Variants in DNAH7 observed in about 807,000 individuals in gnomAD.
DNAH7 encodes the protein axonemal beta dynein heavy chain 7.
DNAH7 carries 397 observed loss-of-function variants against 444.6 expected under a neutral mutation model. The ratio of observed to expected loss-of-function variants is 0.89; its 90% CI spans 0.82 to 0.97. DNAH7 has a LOEUF of 0.97. Ranked by LOEUF, DNAH7 falls within the 50% of genes least tolerant of loss-of-function variation. DNAH7 has a pLI of 0.00. For synonymous variants in DNAH7, 1,636 were observed against 1,624.4 expected, an observed-to-expected ratio of 1.01 and a Z score of -0.17; for missense variants, 4,902 against 4,800.8, an observed-to-expected ratio of 1.02 and a Z score of -0.62.
At position 196,012,893 on chromosome 2, in the gene DNAH7, CTA is replaced by C; in HGVS notation, c.881_882del (p.Leu294CysfsTer2). 1 of 1,500,168 alleles carries C rather than the reference CTA, an allele frequency of 6.7e-7. No individual in the cohort carries two copies. Among genetic ancestry groups the C allele is most frequent in the Non-Finnish European group, 8.9e-7 (1 of 1,125,216 alleles). 92.9% of individuals were successfully genotyped at this position (1,500,168 alleles called of 1,614,324 possible). Reference protein sequence around the residue: ...LWHTNFKKLRLVDIKEFHNCQ... With the variant: ...LWHTNFKKLRXVDIKEFHNCQ... ...CAATTATGAAATTCTTTGATATCAA[CTA>C]AACGTAATTTTCTGCAAAAGATAAA... is the stretch of plus-strand genomic sequence containing the variant. On this transcript the variant is annotated frameshift_variant, in exon 10 of 65. Transcript: ENST00000312428. LOFTEE classifies it high-confidence loss of function.
chr2:195,926,199 A>G (rs1393873912), intron 22 of DNAH7, among the ~76,000 whole-genome samples: 1 of 152,148 alleles, frequency 6.6e-6, no homozygotes, highest in African/African-American at 2.4e-5. Context: ...ACTTTTATAT[A>G]CCGTGAATAA....
intron 9 of DNAH7, among the ~76,000 whole-genome samples, chr2:196,018,671 C>CAG (rs1396660480): frequency 1.3e-5 from 2 of 152,120 alleles, no homozygotes; most frequent in Non-Finnish European, 2.9e-5. Context: ...AAGAATGCAT[C>CAG]AGAGTCCATT....
intron 13 of DNAH7, among the ~76,000 whole-genome samples, chr2:195,987,413 A>G (rs545634016): frequency 6.6e-6 from 1 of 152,208 alleles, no homozygotes; most frequent in South Asian, 2.1e-4. Flanking sequence ...TTGGAAGCCA[A>G]TTCAATCTCA....
intron 19 of DNAH7, among the ~76,000 whole-genome samples, chr2:195,938,869 T>G (rs1055891736): frequency 5.3e-5 from 8 of 152,134 alleles, no homozygotes; most frequent in Middle Eastern, 3.2e-3. Flanking sequence ...AGTAATCATC[T>G]TATGACTGGC....
intron 1 of DNAH7, 96 bp downstream of exon 1, chr2:196,068,601 T>G (rs1449155841): frequency 6.6e-7 from 1 of 1,509,110 alleles, no homozygotes; most frequent in Non-Finnish European, 9.0e-7. Context: ...GAGTCACAGC[T>G]GGGGAGTTCG....
At chr2:195,768,599 C>G (rs1178923102) in intron 61 of DNAH7, among the ~76,000 whole-genome samples, 1 of 151,982 alleles carries the variant, frequency 6.6e-6, no homozygotes, top group African/African-American at 2.4e-5. Flanking sequence ...ACTGGTATTA[C>G]CAAGTTGTAC....
At chr2:195,900,716 A>G in intron 27 of DNAH7, 2 of 471,684 alleles carry the variant, frequency 4.2e-6, no homozygotes, top group South Asian at 5.1e-5. Context: ...TAAAAGAAAT[A>G]AATTCTAGTG....
chr2:195,960,087 C>T (rs1223345690), intron 18 of DNAH7, among the ~76,000 whole-genome samples, 173 bp downstream of exon 18: 2 of 151,968 alleles, frequency 1.3e-5, no homozygotes, highest in African/African-American at 4.8e-5. Context: ...TATTTAAAGA[C>T]CTTAAATATT....
At chr2:195,968,316 T>G (rs1691618177) in intron 17 of DNAH7, among the ~76,000 whole-genome samples, 1 of 152,110 alleles carries the variant, frequency 6.6e-6, no homozygotes, top group African/African-American at 2.4e-5. Flanking sequence ...GGCTCTTTAG[T>G]CAGCAGGTGA....
intron 1 of DNAH7, among the ~76,000 whole-genome samples, chr2:196,061,692 G>T (rs1024122741): frequency 1.3e-5 from 2 of 152,232 alleles, no homozygotes; most frequent in South Asian, 2.1e-4. Context: ...GAAAGAAAGT[G>T]GAGAGTGGAA....
At chr2:196,063,044 G>T (rs1698219833) in intron 1 of DNAH7, among the ~76,000 whole-genome samples, 1 of 152,082 alleles carries the variant, frequency 6.6e-6, no homozygotes, top group African/African-American at 2.4e-5. Context: ...CACCACACTG[G>T]CTAATTTTTG....
chr2:196,061,838 C>T (rs903623836), intron 1 of DNAH7, among the ~76,000 whole-genome samples: 2 of 152,132 alleles, frequency 1.3e-5, no homozygotes, highest in Non-Finnish European at 2.9e-5. Flanking sequence ...TCTTGGATTT[C>T]CCAGTTCAGT....
intron 54 of DNAH7, 69 bp from the exon 55 acceptor site, chr2:195,799,541 T>G (rs1221242797): frequency 2.2e-6 from 3 of 1,376,264 alleles, no homozygotes; most frequent in Non-Finnish European, 2.9e-6. Context: ...AAATTTAGAT[T>G]CAAAGGAGTT....
At chr2:195,749,069 T>C (rs1482460086) in intron 63 of DNAH7, among the ~76,000 whole-genome samples, 1 of 151,316 alleles carries the variant, frequency 6.6e-6, no homozygotes, top group Non-Finnish European at 1.5e-5. Flanking sequence ...TGGGAGAAAA[T>C]TTTCGCAACC....
At chr2:195,845,294 A>G in intron 46 of DNAH7, 129 bp from the exon 47 acceptor site, 1 of 671,236 alleles carries the variant, frequency 1.5e-6, no homozygotes, top group South Asian at 3.8e-5. Flanking sequence ...CTCAAAAATG[A>G]TTTCTGTTTC....
intron 46 of DNAH7, among the ~76,000 whole-genome samples, chr2:195,852,912 A>ACC: frequency 7.9e-6 from 1 of 126,370 alleles, no homozygotes; most frequent in Non-Finnish European, 1.6e-5. Flanking sequence ...ACACACACAC[A>ACC]CACAGAGAGA....
rs764888131 is a variant in DNAH7 at position 195,864,296 on chromosome 2, G to A, written c.7359C>T (p.Ser2453=). 2 of 1,614,168 alleles carry A rather than the reference G, an allele frequency of 1.2e-6. No homozygotes were observed. The highest frequency in any genetic ancestry group is 1.1e-5 in the South Asian group (1 of 91,086). The part of the protein sequence containing the change: ...QRDKTKQTDG[S]PIALFNMFID... ...TAAACATGTTGAAAAGGGCTATGGG[G>A]CTGCCATCTGTTTGCTTGGTTTTAT... The change falls in exon 41 of 65, where the codon AGC becomes AGT. Residue 2453 remains serine, a synonymous_variant. Transcript: ENST00000312428.
intron 27 of DNAH7, chr2:195,903,575 G>T (rs778694083): frequency 4.6e-5 from 7 of 152,120 alleles, no homozygotes; most frequent in Non-Finnish European, 2.9e-5. Flanking sequence ...CTAAAGTGAA[G>T]ATGTATTTAA....
chr2:195,828,612 T>TATATA (rs35780138), intron 48 of DNAH7, among the ~76,000 whole-genome samples: 7 of 94,464 alleles, frequency 7.4e-5, no homozygotes, highest in East Asian at 3.1e-4. Context: ...ATATATATAT[T>TATATA]TTTTTTTTTT....
Sources: allele counts gnomAD v4.1 joint callset (sites outside exome capture counted in the v4.1 genomes callset), GRCh38; gene constraint gnomAD v4.1.1; transcripts MANE v1.5; gene names NCBI Gene and HGNC (gene_info 2026-07-23, HGNC 2026-07-21).